SLC26A7: variants seen among roughly 807,000 people sequenced by gnomAD.
SLC26A7 encodes the protein solute carrier family 26 member 7, also known as anion exchange transporter.
In SLC26A7, 59 loss-of-function variants were observed where a neutral mutation model predicts 82.5. That is an observed-to-expected ratio of 0.72 (90% CI 0.58 to 0.89). The LOEUF (loss-of-function observed/expected upper bound fraction) is 0.89, where lower values mean the gene tolerates loss of function less well. SLC26A7 is among the 40% of genes least tolerant of loss of function. The pLI, the probability that SLC26A7 is intolerant of heterozygous loss-of-function variation, is 0.00. For synonymous variants in SLC26A7, 271 were observed against 274.3 expected (o/e 0.99, Z 0.12); for missense variants, 820 against 793.0 (o/e 1.03, Z -0.41).
intron 2 of SLC26A7, among the ~76,000 whole-genome samples, chr8:91,250,592 A>G (rs541602905): frequency 3.4e-4 from 51 of 152,066 alleles, no homozygotes; most frequent in Non-Finnish European, 5.9e-4. Context: ...GGCTAATTCA[A>G]ATAATTTTCT....
At chr8:91,351,257 G>GT (rs2130855572) in intron 9 of SLC26A7, among the ~76,000 whole-genome samples, 1 of 152,210 alleles carries the variant, frequency 6.6e-6, no homozygotes, top group Admixed American at 6.6e-5. Flanking sequence ...TTCAGGTTTA[G>GT]TAAAATTAAG....
intron 2 of SLC26A7, among the ~76,000 whole-genome samples, chr8:91,255,181 CT>C (rs947270245): frequency 3.3e-5 from 5 of 151,728 alleles, no homozygotes; most frequent in South Asian, 4.2e-4. Flanking sequence ...CTCACCTAGA[CT>C]TTTTTTTTCC....
chr8:91,381,044 A>T (rs1214364994), intron 15 of SLC26A7, among the ~76,000 whole-genome samples: 2 of 152,230 alleles, frequency 1.3e-5, no homozygotes, highest in African/African-American at 4.8e-5. Flanking sequence ...AAATGAAAAC[A>T]TATAGTAAGG....
chr8:91,236,114 G>T (rs1311768745), intron 2 of SLC26A7, among the ~76,000 whole-genome samples: 8 of 152,264 alleles, frequency 5.3e-5, no homozygotes, highest in African/African-American at 1.9e-4. Flanking sequence ...TACAAAATTT[G>T]TAACCAAATA....
At chr8:91,360,250 A>G (rs1415423256) in intron 11 of SLC26A7, among the ~76,000 whole-genome samples, 1 of 152,174 alleles carries the variant, frequency 6.6e-6, no homozygotes, top group Non-Finnish European at 1.5e-5. Context: ...ATGCTGATGT[A>G]TTTTCTACAA....
At chr8:91,255,155 C>T (rs534481210) in intron 2 of SLC26A7, among the ~76,000 whole-genome samples, 3 of 152,210 alleles carry the variant, frequency 2.0e-5, no homozygotes, top group Non-Finnish European at 4.4e-5. Flanking sequence ...AATGTTTGGC[C>T]TTGCATTTCC....
chr8:91,272,852 C>T (rs1320884772), intron 2 of SLC26A7, among the ~76,000 whole-genome samples: 1 of 152,088 alleles, frequency 6.6e-6, no homozygotes, highest in African/African-American at 2.4e-5. Flanking sequence ...ACATTACATG[C>T]TTGGAAGAGG....
intron 2 of SLC26A7, among the ~76,000 whole-genome samples, chr8:91,239,395 A>AAATATATATATATAT (rs1554600121): frequency 1.1e-5 from 1 of 94,860 alleles, no homozygotes; most frequent in African/African-American, 3.5e-5. Context: ...AAAAAAAAAA[A>AAATATATATATATAT]ATATATATAT....
At chr8:91,272,210 C>T (rs1026197961) in intron 2 of SLC26A7, among the ~76,000 whole-genome samples, 7 of 152,130 alleles carry the variant, frequency 4.6e-5, no homozygotes, top group Admixed American at 4.6e-4. Flanking sequence ...TGCTTCTCTC[C>T]TCATATTATC....
chr8:91,298,721 G>C (rs1188210257), intron 4 of SLC26A7, among the ~76,000 whole-genome samples: 4 of 152,124 alleles, frequency 2.6e-5, no homozygotes, highest in Admixed American at 2.6e-4. Flanking sequence ...ATTATAGCAA[G>C]ATGGGACTGT....
At chr8:91,317,195 C>G (rs1168467455) in intron 4 of SLC26A7, among the ~76,000 whole-genome samples, 3 of 151,592 alleles carry the variant, frequency 2.0e-5, no homozygotes, top group Non-Finnish European at 4.4e-5. Context: ...AAGAGTTTTG[C>G]TGCTTCCTGT....
rs1808579748 is a variant in SLC26A7, at chr8:91,396,627, A to G, written c.*1530A>G. 1 of 152,084 alleles carries G rather than the reference A, an allele frequency of 6.6e-6. No homozygotes were observed. Among genetic ancestry groups the G allele is most frequent in the African/African-American group, 2.4e-5 (1 of 41,468 alleles). 9.4% of individuals were successfully genotyped at this position (152,084 alleles called of 1,614,324 possible). Reference sequence around the variant, plus strand: ...GCCATTTCAATTTTGATTGAAATGAACTACAAAGAATAGTGTTTGTCCCTA... The same window carrying G: ...GCCATTTCAATTTTGATTGAAATGAGCTACAAAGAATAGTGTTTGTCCCTA... On this transcript the variant is annotated 3_prime_UTR_variant, in exon 19 of 19. Transcript: ENST00000276609.
chr8:91,255,031 G>A (rs1021617117), intron 2 of SLC26A7, among the ~76,000 whole-genome samples: 1 of 152,086 alleles, frequency 6.6e-6, no homozygotes, highest in Non-Finnish European at 1.5e-5. Context: ...ATGACCATCT[G>A]GGGGAAAGAG....
In SLC26A7 at chr8:91,336,369, A is replaced by T. The variant is rs575516584; in HGVS notation, c.796-1781A>T. Among the ~76,000 whole-genome samples the T allele has an allele frequency of 3.3e-5, 5 of 152,202 alleles. No homozygotes were observed. In the South Asian group the frequency reaches 8.3e-4, roughly 25 times the overall value. On this transcript the variant is annotated intron_variant, in intron 6 of 18. Transcript: ENST00000276609. ...TTGCCTGAGCTCTGCCTCCTGTCAG[A>T]TCAGTGGCAGCATTAGATTCTCATA...
At chr8:91,387,211 CTTTCCTAT>C (rs2130902253) in intron 15 of SLC26A7, among the ~76,000 whole-genome samples, 1 of 152,224 alleles carries the variant, frequency 6.6e-6, no homozygotes, top group African/African-American at 2.4e-5. Flanking sequence ...AATCTTAATA[CTTTCCTAT>C]CTGTGATAAT....
intron 5 of SLC26A7, among the ~76,000 whole-genome samples, chr8:91,328,750 GTA>G (rs763615896): frequency 6.6e-6 from 1 of 151,924 alleles, no homozygotes; most frequent in African/African-American, 2.4e-5. Context: ...TAAATATATT[GTA>G]TATGTGTGTG....
intron 16 of SLC26A7, among the ~76,000 whole-genome samples, chr8:91,393,134 C>G (rs919613892): frequency 6.6e-6 from 1 of 152,116 alleles, no homozygotes; most frequent in African/African-American, 2.4e-5. Flanking sequence ...CCTCTGGTAA[C>G]TAAAACGCCT....
rs766293522 is a variant in SLC26A7 at position 91,251,179 on chromosome 8, C to CAATTTGAGG, written c.193+1337_193+1345dup. Among the ~76,000 whole-genome samples the CAATTTGAGG allele has an allele frequency of 1.5e-4, 23 of 151,752 alleles. 1 individual carries two copies. Among genetic ancestry groups the CAATTTGAGG allele is most frequent in the Non-Finnish European group, 2.9e-4 (20 of 67,938 alleles). On this transcript the variant is annotated intron_variant, in intron 2 of 18. Transcript: ENST00000276609. ...TTTGGAAAATATCAAGTTAATAAGA[C>CAATTTGAGG]AATTTGAGGATAAGATAAAGTTATC...
Position 91,303,587 on chromosome 8 carries a change from T to A in SLC26A7, c.477+7884T>A, listed in dbSNP as rs1424850322. On this transcript the variant is annotated intron_variant, in intron 4 of 18. Transcript: ENST00000276609. ...GTCATAAATATATATTCAACAATTA[T>A]AAAAGTGTGGGTGTTTAGTGACAAA... Among the ~76,000 whole-genome samples the A allele has an allele frequency of 3.9e-5, 6 of 152,322 alleles. No individual in the cohort carries two copies. The East Asian group carries it at 1.2e-3, about 29-fold the overall frequency.
Sources: allele counts gnomAD v4.1 joint callset (sites outside exome capture counted in the v4.1 genomes callset), GRCh38; gene constraint gnomAD v4.1.1; transcripts MANE v1.5; gene names NCBI Gene and HGNC (gene_info 2026-07-23, HGNC 2026-07-21).